Variants in FOXP1 observed in about 807,000 individuals in gnomAD.
The protein encoded by FOXP1 is forkhead box protein P1.
FOXP1 carries 15 observed loss-of-function variants against 98.2 expected under a neutral mutation model. That is an observed-to-expected ratio of 0.15 (90% CI 0.10 to 0.24). FOXP1 has a LOEUF of 0.24. FOXP1 is among the 10% of genes least tolerant of loss of function. FOXP1 has a pLI of 1.00. For missense variants in FOXP1, 633 were observed against 848.5 expected (o/e 0.75, Z 3.15); for synonymous variants, 371 against 314.5 (o/e 1.18, Z -1.90).
rs754538739 is a variant in FOXP1, at chr3:70,988,018, T to C, written c.1122A>G (p.Thr374=). 2.5e-6 allele frequency: 4 copies of C among 1,614,032 alleles called. No homozygotes were observed. In the African/African-American group the frequency reaches 4.0e-5, roughly 16 times the overall value. The change falls in exon 14 of 21, where the codon ACA becomes ACG. Residue 374 remains threonine (T), a synonymous_variant. Transcript: ENST00000649528. ...AMMTHLHVKS[T]EPKAAPQPLN... ...CGGGCTGAGGGGCGGCTTTGGGTTC[T>C]GTAGACTTCACATGCAGGTGGGTCA...
At chr3:71,331,198 G>A (rs921069105) in intron 4 of FOXP1, among the ~76,000 whole-genome samples, 1 of 152,250 alleles carries the variant, frequency 6.6e-6, no homozygotes, top group Non-Finnish European at 1.5e-5. Flanking sequence ...GTTCTGGGGT[G>A]AGTGGGCTCG....
intron 11 of FOXP1, among the ~76,000 whole-genome samples, chr3:71,032,875 C>T (rs2047059943): frequency 2.0e-5 from 3 of 152,174 alleles, no homozygotes; most frequent in African/African-American, 7.2e-5. Flanking sequence ...CTTTTCCTCT[C>T]AAAGGGAAGG....
intron 3 of FOXP1, among the ~76,000 whole-genome samples, chr3:71,436,984 A>G (rs2085426608): frequency 1.3e-5 from 2 of 152,324 alleles, no homozygotes; most frequent in Middle Eastern, 6.8e-3. Flanking sequence ...CATTATTTGG[A>G]GTTTAAGGAA....
In FOXP1 at chr3:71,406,405, G is replaced by GTATGTATATATATATATATATATATA. The variant is rs2082336447; in HGVS notation, c.-167-47162_-167-47161insTATATATATATATATATATATACATA. ...TAATTGACACATAATAACTGTATGT[G>GTATGTATATATATATATATATATATA]TATATATATATATATATATGGTACA... On this transcript the variant is annotated intron_variant, in intron 3 of 20. Coordinates refer to ENST00000649528, the MANE Select transcript of FOXP1 (RefSeq NM_001349338.3). 6.1e-4 allele frequency among the ~76,000 whole-genome samples: 65 copies of GTATGTATATATATATATATATATATA among 105,980 alleles called. 2 individuals are homozygous for GTATGTATATATATATATATATATATA. Among genetic ancestry groups the GTATGTATATATATATATATATATATA allele is most frequent in the Non-Finnish European group, 1.2e-3 (53 of 44,940 alleles). 69.5% of individuals were successfully genotyped at this position (105,980 alleles called of 152,430 possible).
In FOXP1 at chr3:71,567,370, A is replaced by C. The variant is rs115692547; in HGVS notation, c.-298+14179T>G. On this transcript the variant is annotated intron_variant, in intron 2 of 20. Coordinates refer to ENST00000649528, the MANE Select transcript of FOXP1 (RefSeq NM_001349338.3). ...ATCACTGCCACCGAGATAAACCGAA[A>C]CGCAGAGACTCCGTCATTTGCTCAG... Among the ~76,000 whole-genome samples the C allele has an allele frequency of 6.5e-3, 990 of 152,260 alleles. 10 individuals are homozygous for C. Among genetic ancestry groups the C allele is most frequent in the African/African-American group, 0.023 (941 of 41,546 alleles).
chr3:71,065,487 T>C (rs2052362259), intron 7 of FOXP1: 1 of 152,286 alleles, frequency 6.6e-6, no homozygotes, highest in African/African-American at 2.4e-5. Context: ...GAACTTTCGC[T>C]TCACGTCGGG....
At chr3:71,296,398 G>T (rs2073297919) in intron 5 of FOXP1, 1 of 152,126 alleles carries the variant, frequency 6.6e-6, no homozygotes, top group Non-Finnish European at 1.5e-5. Flanking sequence ...ATATTCACTT[G>T]AAACATCTTT....
intron 7 of FOXP1, among the ~76,000 whole-genome samples, chr3:71,085,873 G>A (rs932937988): frequency 4.6e-5 from 7 of 151,344 alleles, no homozygotes; most frequent in Non-Finnish European, 1.0e-4. Context: ...GGGACCACAG[G>A]CGGGTGCCAC....
intron 5 of FOXP1, among the ~76,000 whole-genome samples, chr3:71,250,178 C>T (rs142135340): frequency 4.7e-4 from 72 of 152,302 alleles, no homozygotes; most frequent in Non-Finnish European, 8.5e-4. Flanking sequence ...TTCCTAGATG[C>T]TAGTAGCACA....
At chr3:70,977,463 C>T (rs1236522145) in intron 16 of FOXP1, among the ~76,000 whole-genome samples, 180 bp downstream of exon 16, 5 of 152,144 alleles carry the variant, frequency 3.3e-5, no homozygotes, top group Non-Finnish European at 7.4e-5. Context: ...CTAATAATCA[C>T]ATCGTATTGT....
chr3:71,049,707 A>C (rs1482488829), intron 9 of FOXP1, among the ~76,000 whole-genome samples: 1 of 152,178 alleles, frequency 6.6e-6, no homozygotes, highest in Non-Finnish European at 1.5e-5. Flanking sequence ...GTAAATTAAC[A>C]TACTTGTTCC....
intron 2 of FOXP1, among the ~76,000 whole-genome samples, chr3:71,579,066 AC>A (rs1348575786): frequency 2.0e-5 from 3 of 152,250 alleles, no homozygotes; most frequent in African/African-American, 7.2e-5. Flanking sequence ...ACTCTGGCTT[AC>A]AAAAAATATA....
intron 6 of FOXP1, among the ~76,000 whole-genome samples, chr3:71,190,638 C>CAAA (rs55747148): frequency 3.7e-3 from 161 of 43,414 alleles, no homozygotes; most frequent in East Asian, 5.4e-3. Context: ...ACCCCATCTC[C>CAAA]AAAAAAAAAA....
rs1277077103 is a variant in FOXP1 at position 71,553,376 on chromosome 3, T to C, written c.-298+28173A>G. Among the ~76,000 whole-genome samples the C allele has an allele frequency of 2.0e-5, 3 of 152,320 alleles. No homozygotes were observed. The East Asian group carries it at 5.8e-4, about 29-fold the overall frequency. ...TGCAAAATTGTAGGCCTCATCAATT[T>C]CATTTCTATACGGAATTCACATTAT... On this transcript the variant is annotated intron_variant, in intron 2 of 20. Coordinates refer to ENST00000649528, the MANE Select transcript of FOXP1 (RefSeq NM_001349338.3).
chr3:71,017,834 A>G (rs1401853407), intron 11 of FOXP1, among the ~76,000 whole-genome samples: 2 of 152,224 alleles, frequency 1.3e-5, no homozygotes, highest in African/African-American at 4.8e-5. Context: ...ATTCAGAGAA[A>G]TAGAATCACT....
intron 7 of FOXP1, among the ~76,000 whole-genome samples, chr3:71,071,363 C>T (rs549321220): frequency 2.0e-5 from 3 of 152,134 alleles, no homozygotes; most frequent in East Asian, 1.9e-4. Flanking sequence ...ATCTACAGGC[C>T]GCTGAAGCGG....
At chr3:70,976,222 T>C (rs1486578460) in intron 17 of FOXP1, among the ~76,000 whole-genome samples, 8 of 151,950 alleles carry the variant, frequency 5.3e-5, no homozygotes, top group East Asian at 1.9e-4. Flanking sequence ...GGCTAATTCA[T>C]TGAATTTTTT....
At chr3:71,327,431 A>C in intron 4 of FOXP1, among the ~76,000 whole-genome samples, 1 of 40,816 alleles carries the variant, frequency 2.5e-5, no homozygotes, top group Non-Finnish European at 6.3e-5. Context: ...TCTGTCACCC[A>C]GGCTGGAGTG....
chr3:71,543,924 T>C (rs1444224346), intron 2 of FOXP1, among the ~76,000 whole-genome samples: 2 of 152,244 alleles, frequency 1.3e-5, no homozygotes, highest in Non-Finnish European at 2.9e-5. Context: ...AATATATTTG[T>C]AAAGATATGA....
Sources: gnomAD v4.1 joint callset for allele counts (sites outside exome capture counted in the v4.1 genomes callset) on GRCh38, gnomAD v4.1.1 for gene constraint, MANE v1.5 for transcripts, NCBI Gene and HGNC (gene_info 2026-07-23, HGNC 2026-07-21) for gene names.